Variants in CADM1 observed in about 807,000 individuals in gnomAD.
CADM1 encodes the protein TSLC-1.
CADM1 carries 15 observed loss-of-function variants against 53.1 expected under a neutral mutation model. That is an observed-to-expected ratio of 0.28 (90% CI 0.19 to 0.44). CADM1 has a LOEUF of 0.44. Ranked by LOEUF, CADM1 falls within the 20% of genes least tolerant of loss-of-function variation. CADM1 has a pLI of 1.00. For missense variants in CADM1, 434 were observed against 611.3 expected (o/e 0.71, Z 3.06); for synonymous variants, 281 against 243.0 (o/e 1.16, Z -1.45).
rs560327883 is a variant in CADM1 at position 115,192,895 on chromosome 11, G to A, written c.1112-1954C>T. On this transcript the variant is annotated intron_variant, in intron 9 of 11. Coordinates refer to ENST00000331581, the MANE Select transcript of CADM1 (RefSeq NM_001301043.2). ...ACTTTAAAATATATCAAGTTATCTG[G>A]AATCTACTGCTCGGATTACGTTCTA... Among the ~76,000 whole-genome samples the A allele has an allele frequency of 1.1e-3, 174 of 152,270 alleles. 1 individual carries two copies. The highest frequency in any genetic ancestry group is 2.3e-3 in the Non-Finnish European group (154 of 68,022).
At chr11:115,288,360 G>A (rs1943787902) in intron 1 of CADM1, among the ~76,000 whole-genome samples, 2 of 152,038 alleles carry the variant, frequency 1.3e-5, no homozygotes, top group Non-Finnish European at 2.9e-5. Flanking sequence ...TCAAAGGAAC[G>A]ACAGGGTTTT....
At chr11:115,402,068 A>G (rs1295208343) in intron 1 of CADM1, among the ~76,000 whole-genome samples, 1 of 152,188 alleles carries the variant, frequency 6.6e-6, no homozygotes. Context: ...AGATCCAGAA[A>G]TAATAAAAAA....
chr11:115,192,234 A>ACCCTTG (rs1805454197), intron 9 of CADM1, among the ~76,000 whole-genome samples: 1 of 152,252 alleles, frequency 6.6e-6, no homozygotes, highest in East Asian at 1.9e-4. Flanking sequence ...AATTCTGTGA[A>ACCCTTG]AGACGGCTGT....
intron 1 of CADM1, among the ~76,000 whole-genome samples, chr11:115,246,731 G>A (rs1454513702): frequency 6.6e-6 from 1 of 152,114 alleles, no homozygotes; most frequent in African/African-American, 2.4e-5. Context: ...TGTTGTTGTT[G>A]TTTTGACAGT....
chr11:115,435,441 G>A (rs1316764777), intron 1 of CADM1, among the ~76,000 whole-genome samples: 1 of 152,052 alleles, frequency 6.6e-6, no homozygotes. Flanking sequence ...CATAATAAAA[G>A]TTGTATTGGG....
At chr11:115,279,261 C>T (rs753566224) in intron 1 of CADM1, among the ~76,000 whole-genome samples, 24 of 152,084 alleles carry the variant, frequency 1.6e-4, no homozygotes, top group Non-Finnish European at 3.1e-4. Flanking sequence ...TTCAAGGTTG[C>T]AAAAATGGAT....
At chr11:115,237,401 G>A (rs1172947986) in intron 3 of CADM1, among the ~76,000 whole-genome samples, 3 of 152,112 alleles carry the variant, frequency 2.0e-5, no homozygotes. Context: ...ACATATATGT[G>A]AGCATTAGGG....
At chr11:115,320,575 T>C (rs1216369132) in intron 1 of CADM1, among the ~76,000 whole-genome samples, 1 of 152,146 alleles carries the variant, frequency 6.6e-6, no homozygotes, top group Non-Finnish European at 1.5e-5. Context: ...TAAACCAGTA[T>C]TAACTAAAAG....
intron 1 of CADM1, among the ~76,000 whole-genome samples, chr11:115,444,228 TTAA>T (rs1171922691): frequency 6.6e-6 from 1 of 151,640 alleles, no homozygotes; most frequent in Non-Finnish European, 1.5e-5. Flanking sequence ...CAGTAAAGAG[TTAA>T]TAAAGCCTTC....
chr11:115,402,798 G>C (rs1030976565), intron 1 of CADM1, among the ~76,000 whole-genome samples: 1 of 152,068 alleles, frequency 6.6e-6, no homozygotes, highest in Non-Finnish European at 1.5e-5. Flanking sequence ...TATGTTACTG[G>C]TGAGAAGGCA....
chr11:115,366,118 C>T (rs2135109868), intron 1 of CADM1, among the ~76,000 whole-genome samples: 1 of 152,306 alleles, frequency 6.6e-6, no homozygotes, highest in Non-Finnish European at 1.5e-5. Flanking sequence ...ATGTTATCAT[C>T]CAGCCTTGCA....
chr11:115,374,627 T>G (rs1364168312), intron 1 of CADM1, among the ~76,000 whole-genome samples: 2 of 152,156 alleles, frequency 1.3e-5, no homozygotes, highest in Non-Finnish European at 1.5e-5. Flanking sequence ...ACCTATGAAG[T>G]ATTCTTACCC....
intron 1 of CADM1, among the ~76,000 whole-genome samples, chr11:115,438,502 G>A (rs2135315831): frequency 6.6e-6 from 1 of 151,830 alleles, no homozygotes; most frequent in East Asian, 1.9e-4. Context: ...AGTCAGAGCT[G>A]TTCACAGAGC....
intron 1 of CADM1, among the ~76,000 whole-genome samples, chr11:115,284,085 A>ACTCTCTCTCTCTCT (rs1449186377): frequency 4.3e-4 from 10 of 23,356 alleles, no homozygotes; most frequent in Admixed American, 1.0e-3. Context: ...ACAAGCCCAG[A>ACTCTCTCTCTCTCT]CACTCTCTCT....
At position 115,501,198 on chromosome 11, in the gene CADM1, A is replaced by G. The variant is rs558577784; in HGVS notation, c.124+3073T>C. On this transcript the variant is annotated intron_variant, in intron 1 of 11. Coordinates refer to ENST00000331581, the MANE Select transcript of CADM1 (RefSeq NM_001301043.2). ...AAGCCTTGTGCGTCTCCAGTGACAC[A>G]CTGTAAATATAAAGTGGCATTAATG... Among the ~76,000 whole-genome samples, 11 of 152,332 alleles carry G rather than the reference A, an allele frequency of 7.2e-5. No individual in the cohort carries two copies. The East Asian group carries it at 2.1e-3, about 29-fold the overall frequency.
chr11:115,463,993 T>C lies in CADM1; in HGVS notation c.124+40278A>G, dbSNP rs1406647526. ...TTGCAAGAAATGCTATATTATCCCA[T>C]AGGCCTTTAAGTCCCTGAGATGAAA... On this transcript the variant is annotated intron_variant, in intron 1 of 11. Coordinates refer to ENST00000331581, the MANE Select transcript of CADM1 (RefSeq NM_001301043.2). Among the ~76,000 whole-genome samples, 4 of 152,288 alleles carry C rather than the reference T, an allele frequency of 2.6e-5. No homozygotes were observed. In the East Asian group the frequency reaches 5.8e-4, roughly 22 times the overall value.
intron 1 of CADM1, among the ~76,000 whole-genome samples, chr11:115,376,338 T>A (rs1414250824): frequency 1.3e-5 from 2 of 152,150 alleles, no homozygotes; most frequent in Non-Finnish European, 2.9e-5. Flanking sequence ...CATAAAAGGA[T>A]ATCCACCTGC....
At chr11:115,364,243 T>C (rs1946101357) in intron 1 of CADM1, among the ~76,000 whole-genome samples, 2 of 152,214 alleles carry the variant, frequency 1.3e-5, no homozygotes, top group Admixed American at 6.5e-5. Flanking sequence ...TCTTAAATTA[T>C]ATGCTTCTAT....
chr11:115,483,724 A>G (rs893802670), intron 1 of CADM1, among the ~76,000 whole-genome samples: 2 of 152,220 alleles, frequency 1.3e-5, no homozygotes, highest in Non-Finnish European at 2.9e-5. Flanking sequence ...AATGTTTTTT[A>G]GTCTAGAGCT....
Sources: allele counts gnomAD v4.1 joint callset (sites outside exome capture counted in the v4.1 genomes callset), GRCh38; gene constraint gnomAD v4.1.1; transcripts MANE v1.5; gene names NCBI Gene and HGNC (gene_info 2026-07-23, HGNC 2026-07-21).